The following IGF2BP3 variants were observed in gnomAD, a reference collection of about 807,000 sequenced individuals.
IGF2BP3 encodes the protein insulin like growth factor 2 mRNA binding protein 3, also known as insulin-like growth factor 2 mRNA-binding protein 3.
Under a neutral mutation model 73.8 loss-of-function variants are expected in IGF2BP3, and 9 were observed. The observed-to-expected ratio is 0.12, with a 90% CI of 0.07 to 0.21. The LOEUF (loss-of-function observed/expected upper bound fraction) is 0.21. IGF2BP3 is among the 10% of genes least tolerant of loss of function. The probability of loss-of-function intolerance (pLI) is 1.00; values close to 1 mark genes in which losing one functional copy is unlikely to be tolerated. For missense variants in IGF2BP3, 542 were observed against 714.0 expected (o/e 0.76, Z 2.75); for synonymous variants, 258 against 256.7 (o/e 1.01, Z -0.05).
At chr7:23,331,246 T>C (rs914783876) in intron 10 of IGF2BP3, among the ~76,000 whole-genome samples, 1 of 152,244 alleles carries the variant, frequency 6.6e-6, no homozygotes, top group Non-Finnish European at 1.5e-5. Context: ...TTTTAAAAGT[T>C]TGTGCTCTTT....
At chr7:23,452,342 A>G (rs1212749277) in intron 2 of IGF2BP3, among the ~76,000 whole-genome samples, 1 of 152,144 alleles carries the variant, frequency 6.6e-6, no homozygotes, top group South Asian at 2.1e-4. Flanking sequence ...CATTTAGGTT[A>G]TTTCCTATTT....
Position 23,312,189 on chromosome 7 carries a change from A to G in IGF2BP3, c.*173T>C. 1.7e-6 allele frequency: 1 copy of G among 590,150 alleles called. No homozygotes were observed. The highest frequency in any genetic ancestry group is 3.0e-6 in the Non-Finnish European group (1 of 328,430). The allele number at this position is 590,150 out of a possible 1,614,324, so 36.6% of individuals were successfully genotyped here. ...GTGTCATACATTTCAGAGAGCATAAAGTATACATTCTCACAGAGACAGGAG... is the reference window on the plus strand; with the variant it reads ...GTGTCATACATTTCAGAGAGCATAAGGTATACATTCTCACAGAGACAGGAG... On this transcript the variant is annotated 3_prime_UTR_variant, in exon 15 of 15. Transcript: ENST00000258729.
chr7:23,422,976 C>T (rs554218299), intron 2 of IGF2BP3, among the ~76,000 whole-genome samples: 2 of 152,284 alleles, frequency 1.3e-5, no homozygotes, highest in African/African-American at 4.8e-5. Flanking sequence ...AGTTTCACCA[C>T]GTTGGCCAGG....
rs561277116 is a variant in IGF2BP3, at chr7:23,369,903, C to T, written c.286-8162G>A. Among the ~76,000 whole-genome samples, 9 of 152,140 alleles carry T rather than the reference C, an allele frequency of 5.9e-5. No homozygotes were observed. In the South Asian group the frequency reaches 1.7e-3, roughly 28 times the overall value. The stretch of plus-strand genomic sequence containing the variant: ...TCTGCTGACTGCTTATTCTGCATAC[C>T]CACTGCTCAAGTCCCATCACTCCTG... On this transcript the variant is annotated intron_variant, in intron 3 of 14. Coordinates refer to ENST00000258729, the MANE Select transcript of IGF2BP3 (RefSeq NM_006547.3).
At chr7:23,322,795 C>T (rs1461562656) in intron 10 of IGF2BP3, among the ~76,000 whole-genome samples, 1 of 152,102 alleles carries the variant, frequency 6.6e-6, no homozygotes, top group Non-Finnish European at 1.5e-5. Context: ...GAATTTTCAA[C>T]CCAGAATTTC....
At chr7:23,324,407 G>T (rs1214954404) in intron 10 of IGF2BP3, among the ~76,000 whole-genome samples, 5 of 150,718 alleles carry the variant, frequency 3.3e-5, no homozygotes, top group East Asian at 1.9e-4. Context: ...AATAACAGGA[G>T]CTGAAATTGT....
rs185245187 is a variant in IGF2BP3 at position 23,452,247 on chromosome 7, G to A, written c.236+16235C>T. Among the ~76,000 whole-genome samples the A allele has an allele frequency of 2.0e-3, 300 of 151,990 alleles. 1 individual carries two copies. Among genetic ancestry groups the A allele is most frequent in the Admixed American group, 0.011 (162 of 15,270 alleles). On this transcript the variant is annotated intron_variant, in intron 2 of 14. Coordinates refer to ENST00000258729, the MANE Select transcript of IGF2BP3 (RefSeq NM_006547.3). ...TCTCAATCTCCTAACCTCGTGATCCGCCTGCCTCAGCCTCCTCAAGTGCTG... is the reference window on the plus strand; with the variant it reads ...TCTCAATCTCCTAACCTCGTGATCCACCTGCCTCAGCCTCCTCAAGTGCTG...
At chr7:23,395,852 G>A (rs1234626102) in intron 3 of IGF2BP3, among the ~76,000 whole-genome samples, 1 of 151,918 alleles carries the variant, frequency 6.6e-6, no homozygotes, top group African/African-American at 2.4e-5. Context: ...CTTGAACCTG[G>A]GAGGCAGAGG....
intron 3 of IGF2BP3, among the ~76,000 whole-genome samples, chr7:23,382,637 T>C (rs1785946912): frequency 6.6e-6 from 1 of 152,092 alleles, no homozygotes; most frequent in Admixed American, 6.5e-5. Flanking sequence ...TTTTATCCAA[T>C]TGCTATACAC....
chr7:23,378,821 C>T (rs1785814484), intron 3 of IGF2BP3, among the ~76,000 whole-genome samples: 1 of 152,056 alleles, frequency 6.6e-6, no homozygotes, highest in Non-Finnish European at 1.5e-5. Context: ...ATTCACCCAC[C>T]ATGGCCTCCC....
chr7:23,389,122 G>A (rs1360625096), intron 3 of IGF2BP3, among the ~76,000 whole-genome samples: 1 of 150,768 alleles, frequency 6.6e-6, no homozygotes, highest in African/African-American at 2.4e-5. Context: ...AACGATTTAA[G>A]TTGTTATAAA....
intron 5 of IGF2BP3, among the ~76,000 whole-genome samples, chr7:23,357,276 C>CTT (rs201996068): frequency 5.6e-5 from 8 of 143,780 alleles, no homozygotes; most frequent in African/African-American, 1.0e-4. Context: ...TAGTTTCTTT[C>CTT]TTTTTTTTTT....
At chr7:23,379,391 C>T (rs1785834301) in intron 3 of IGF2BP3, among the ~76,000 whole-genome samples, 1 of 152,340 alleles carries the variant, frequency 6.6e-6, no homozygotes, top group East Asian at 1.9e-4. Context: ...ATTAATCCAA[C>T]TTTTCACTCA....
chr7:23,418,121 T>A (rs1787244183), intron 3 of IGF2BP3, among the ~76,000 whole-genome samples: 1 of 152,206 alleles, frequency 6.6e-6, no homozygotes, highest in Non-Finnish European at 1.5e-5. Context: ...TGATTTTTTT[T>A]ATATTAGAGA....
chr7:23,456,397 TC>T (rs1788318738), intron 2 of IGF2BP3, among the ~76,000 whole-genome samples: 1 of 152,204 alleles, frequency 6.6e-6, no homozygotes, highest in Non-Finnish European at 1.5e-5. Flanking sequence ...ATCAAATTCC[TC>T]CTCAAAATGT....
intron 3 of IGF2BP3, among the ~76,000 whole-genome samples, chr7:23,408,358 A>C (rs1786912915): frequency 6.6e-6 from 1 of 152,214 alleles, no homozygotes; most frequent in African/African-American, 2.4e-5. Context: ...AAACTTTCAG[A>C]ACTAGTAAGT....
At chr7:23,345,183 G>A (rs1326423997) in intron 8 of IGF2BP3, among the ~76,000 whole-genome samples, 1 of 152,196 alleles carries the variant, frequency 6.6e-6, no homozygotes, top group East Asian at 1.9e-4. Context: ...TGAGTACTCT[G>A]AGTGAAACTA....
chr7:23,414,329 G>C (rs1306235566), intron 3 of IGF2BP3: 1 of 152,104 alleles, frequency 6.6e-6, no homozygotes, highest in Non-Finnish European at 1.5e-5. Context: ...ATCCCCTTCT[G>C]ATCATTTAGT....
intron 5 of IGF2BP3, among the ~76,000 whole-genome samples, chr7:23,361,033 T>A (rs1322002265): frequency 6.6e-6 from 1 of 152,214 alleles, no homozygotes. Context: ...TGGAATATAT[T>A]TTTTTCCATA....
Sources: gnomAD v4.1 joint callset for allele counts (sites outside exome capture counted in the v4.1 genomes callset) on GRCh38, gnomAD v4.1.1 for gene constraint, MANE v1.5 for transcripts, NCBI Gene and HGNC (gene_info 2026-07-23, HGNC 2026-07-21) for gene names.